ADGRG1: variants seen among roughly 807,000 people sequenced by gnomAD.
The protein encoded by ADGRG1 is adhesion G protein-coupled receptor G1, also known as 7-transmembrane protein with no EGF-like N-terminal domains-1.
A neutral mutation model predicts 73.5 loss-of-function variants in ADGRG1; 53 were observed. The observed-to-expected ratio is 0.72, with a 90% CI of 0.58 to 0.91. The LOEUF is 0.91. Ranked by LOEUF, ADGRG1 falls within the 40% of genes least tolerant of loss-of-function variation. ADGRG1 has a pLI of 0.00. For missense variants in ADGRG1, 795 were observed against 871.8 expected, an observed-to-expected ratio of 0.91 and a Z score of 1.11; for synonymous variants, 394 against 374.4, an observed-to-expected ratio of 1.05 and a Z score of -0.60.
upstream of ADGRG1, chr16:57,627,696 C>G: frequency 1.5e-6 from 1 of 658,446 alleles, no homozygotes; most frequent in Non-Finnish European, 1.9e-6. Flanking sequence ...AGCCTCCCAG[C>G]ACATCTGACT....
chr16:57,622,131 A>C (rs946409848), intron 2 of ADGRG1: 8 of 152,114 alleles, frequency 5.3e-5, no homozygotes, highest in African/African-American at 1.9e-4. Context: ...TCTAAAAAAA[A>C]AAAAAAACAA....
At chr16:57,632,347 G>A (rs757170191) in intron 1 of ADGRG1, 14 of 982,576 alleles carry the variant, frequency 1.4e-5, no homozygotes, top group Non-Finnish European at 1.6e-5. Context: ...CTCTGGTTGT[G>A]GGAACATGGG....
chr16:57,651,641 G>T lies in ADGRG1; in HGVS notation c.487+19G>T. 1 of 1,610,264 alleles carries T rather than the reference G, an allele frequency of 6.2e-7. No homozygotes were observed. The highest frequency in any genetic ancestry group is 8.5e-7 in the Non-Finnish European group (1 of 1,178,442). ...TTCCACAGTAAGGCAACTTCCAGGCGGAGGGAACAACTGGGCAGTGGTCTA... is the reference window on the plus strand; with the variant it reads ...TTCCACAGTAAGGCAACTTCCAGGCTGAGGGAACAACTGGGCAGTGGTCTA... On this transcript the variant is annotated intron_variant, in intron 3 of 13. Coordinates refer to ENST00000562631, the MANE Select transcript of ADGRG1 (RefSeq NM_201525.4).
At position 57,659,479 on chromosome 16, in the gene ADGRG1, C is replaced by T; in HGVS notation, c.1353C>T (p.Asp451=). The change falls in exon 11 of 14, where the codon GAC becomes GAT. Residue 451 remains aspartate (D), a synonymous_variant. Coordinates refer to ENST00000562631, the MANE Select transcript of ADGRG1 (RefSeq NM_201525.4). ...MNLLLAVFLL[D]TSFLLSEPVA... ...TGCTGCTGGCCGTCTTCCTGCTGGA[C>T]ACGAGCTTCCTGCTCAGCGAGCCGG... 3 of 1,613,756 alleles carry T rather than the reference C, an allele frequency of 1.9e-6. No homozygotes were observed. The highest frequency in any genetic ancestry group is 1.7e-6 in the Non-Finnish European group (2 of 1,179,822).
rs60907901 is a variant in ADGRG1 at position 57,659,335 on chromosome 16, G to A, written c.1287-78G>A. ...GTCGGGGTGGGGGGCAGTCTGGGAA[G>A]GCTTCCTGGAGGAGATGTGGGCACA... On this transcript the variant is annotated intron_variant, in intron 10 of 13. Transcript: ENST00000562631. 0.2 allele frequency: 316,675 copies of A among 1,606,852 alleles called. 33,963 individuals carry two copies. The highest frequency in any genetic ancestry group is 0.22 in the Non-Finnish European group (255,071 of 1,179,072).
At chr16:57,644,312 C>T (rs1430285263) in intron 1 of ADGRG1, 1 of 490,540 alleles carries the variant, frequency 2.0e-6, no homozygotes, top group East Asian at 1.5e-4. Flanking sequence ...CACACTCATG[C>T]ACACAAGGAC....
At position 57,657,491 on chromosome 16, in the gene ADGRG1, G is replaced by T; in HGVS notation, c.1286G>T (p.Arg429Met). 2 of 1,609,994 alleles carry T rather than the reference G, an allele frequency of 1.2e-6. No individual in the cohort carries two copies. Among genetic ancestry groups the T allele is most frequent in the Non-Finnish European group, 1.7e-6 (2 of 1,176,454 alleles). Residue 429 changes from arginine to methionine, a missense_variant and splice_region_variant, in exon 10 of 14, where the codon AGG (arginine) becomes ATG (methionine). Coordinates refer to ENST00000562631, the MANE Select transcript of ADGRG1 (RefSeq NM_201525.4). ...LVTIAAYLCS[R>M]RKPRDYTIKV... ...ACCATTGCCGCCTACCTCTGCTCCA[G>T]GTGAGGCCTGAAAGGGGTGGGACAG...
intron 11 of ADGRG1, among the ~76,000 whole-genome samples, chr16:57,659,940 T>C (rs1276376552): frequency 6.6e-6 from 1 of 152,166 alleles, no homozygotes. Flanking sequence ...AGGGCCACCG[T>C]GTGTGAATGT....
rs1252437755 is a variant in ADGRG1 at position 57,651,203 on chromosome 16, C to A, written c.68C>A (p.Ala23Asp). The change falls in exon 3 of 14, where the codon GCC (alanine) becomes GAC (aspartate). Residue 23 changes from alanine to aspartate, a missense_variant. Transcript: ENST00000562631. ...TCTGCAGCCTCTGCCTCCTCAGGTGCCCACGGCAGGGGCCACAGGGAAGAC... is the reference window on the plus strand; with the variant it reads ...TCTGCAGCCTCTGCCTCCTCAGGTGACCACGGCAGGGGCCACAGGGAAGAC... The part of the protein sequence containing the change: ...LLSLLFLVQG[A>D]HGRGHREDFR... 6.2e-7 allele frequency: 1 copy of A among 1,613,896 alleles called. No homozygotes were observed. Among genetic ancestry groups the A allele is most frequent in the Non-Finnish European group, 8.5e-7 (1 of 1,179,972 alleles).
intron 1 of ADGRG1, chr16:57,634,894 A>G (rs1207323044): frequency 2.2e-6 from 2 of 916,580 alleles, no homozygotes; most frequent in Non-Finnish European, 2.6e-6. Flanking sequence ...TGGTGCCTCT[A>G]TCTAGAAACC....
At position 57,657,623 on chromosome 16, in the gene ADGRG1, T is replaced by C. The variant is rs535465671; in HGVS notation, c.1286+132T>C. 1.9e-3 allele frequency: 1,464 copies of C among 790,412 alleles called. 5 individuals carry two copies. The highest frequency in any genetic ancestry group is 2.2e-3 in the Non-Finnish European group (982 of 446,256). 49.0% of individuals were successfully genotyped at this position (790,412 alleles called of 1,614,324 possible). ...CTGTGTGTGTGGTTAGGGGAGCTGT[T>C]TGGGGTAAGCTGACCCTTGGGGGCC... On this transcript the variant is annotated intron_variant, in intron 10 of 13. Coordinates refer to ENST00000562631, the MANE Select transcript of ADGRG1 (RefSeq NM_201525.4).
intron 7 of ADGRG1, 90 bp from the exon 8 acceptor site, chr16:57,656,136 G>A: frequency 6.2e-7 from 1 of 1,613,562 alleles, no homozygotes; most frequent in South Asian, 1.1e-5. Context: ...GTGGTGGCTT[G>A]ACTGTGTTCT....
intron 1 of ADGRG1, chr16:57,641,308 C>T: frequency 1.0e-6 from 1 of 985,382 alleles, no homozygotes; most frequent in Non-Finnish European, 1.2e-6. Context: ...CAGGTACTGA[C>T]TGGTGTGTGC....
chr16:57,647,319 CT>C (rs1219221171), intron 1 of ADGRG1: 3 of 984,884 alleles, frequency 3.0e-6, no homozygotes, highest in Non-Finnish European at 3.6e-6. Flanking sequence ...AGAATTTCCC[CT>C]CAAGGTGCTC....
chr16:57,658,512 C>T (rs539414989), intron 10 of ADGRG1, among the ~76,000 whole-genome samples: 9 of 152,338 alleles, frequency 5.9e-5, no homozygotes, highest in East Asian at 1.9e-4. Flanking sequence ...TGTATTTATG[C>T]GTGTGCACAA....
intron 1 of ADGRG1, 87 bp downstream of exon 1, chr16:57,628,889 T>A (rs911657120): frequency 1.3e-6 from 1 of 778,402 alleles, no homozygotes; most frequent in South Asian, 5.9e-5. Context: ...TGTGTGAGAG[T>A]GTGAGTGTGT....
intron 1 of ADGRG1, chr16:57,631,590 G>C: frequency 8.1e-6 from 8 of 985,602 alleles, no homozygotes; most frequent in Non-Finnish European, 9.6e-6. Flanking sequence ...GTGGCCCTGT[G>C]GACCCCGCCT....
intron 2 of ADGRG1, chr16:57,622,133 A>AC (rs1312919732): frequency 6.6e-6 from 1 of 152,078 alleles, no homozygotes; most frequent in Non-Finnish European, 1.5e-5. Context: ...TAAAAAAAAA[A>AC]AAAAACAAAA....
rs10852554 is a variant in ADGRG1, at chr16:57,663,620, T to G, written c.*38T>G. The G allele has an allele frequency of 0.74, 1,185,250 of 1,604,006 alleles. 442,017 individuals carry two copies. The highest frequency in any genetic ancestry group is 0.95 in the East Asian group (42,480 of 44,852). On this transcript the variant is annotated 3_prime_UTR_variant, in exon 14 of 14. Coordinates refer to ENST00000562631, the MANE Select transcript of ADGRG1 (RefSeq NM_201525.4). ...CCTGCCCATGTGATGAAGCAGAGAT[T>G]CGGCCTCGTCGCACACTGCCTGTGG...
Sources: allele counts gnomAD v4.1 joint callset (sites outside exome capture counted in the v4.1 genomes callset), GRCh38; gene constraint gnomAD v4.1.1; transcripts MANE v1.5; gene names NCBI Gene and HGNC (gene_info 2026-07-23, HGNC 2026-07-21).